The following RPL37A variants were observed in gnomAD, a reference collection of about 807,000 sequenced individuals.
The protein encoded by RPL37A is large ribosomal subunit protein eL43.
In RPL37A, 5 loss-of-function variants were observed where a neutral mutation model predicts 13.6. The observed-to-expected ratio is 0.37, with a 90% CI of 0.19 to 0.78. The LOEUF (loss-of-function observed/expected upper bound fraction) is 0.78, where lower values mean the gene tolerates loss of function less well. Among genes scored for constraint, RPL37A ranks in the 30% least tolerant of loss-of-function variants. The pLI, the probability that RPL37A is intolerant of heterozygous loss-of-function variation, is 0.49. For missense variants in RPL37A, 77 were observed against 120.0 expected (o/e 0.64, Z 1.67); for synonymous variants, 50 against 44.4 (o/e 1.13, Z -0.50).
intron 1 of RPL37A, 109 bp downstream of exon 1, chr2:216,498,986 C>A: frequency 6.7e-7 from 1 of 1,486,104 alleles, no homozygotes; most frequent in Non-Finnish European, 9.4e-7. Flanking sequence ...TCTCTCCTGT[C>A]TCCATGCCTT....
Position 216,499,258 on chromosome 2 carries a change from C to G in RPL37A, c.4-12C>G, listed in dbSNP as rs1180330321. Reference sequence around the variant, plus strand: ...CAGGTCTATCACTGGTTTCTCCCTTCACTCTAAACAGGCCAAACGTACCAA... The same window carrying G: ...CAGGTCTATCACTGGTTTCTCCCTTGACTCTAAACAGGCCAAACGTACCAA... On this transcript the variant is annotated splice_polypyrimidine_tract_variant and intron_variant, in intron 1 of 3. Coordinates refer to ENST00000491306, the MANE Select transcript of RPL37A (RefSeq NM_000998.5). 3.7e-6 allele frequency: 6 copies of G among 1,609,418 alleles called. No homozygotes were observed. The highest frequency in any genetic ancestry group is 5.1e-6 in the Non-Finnish European group (6 of 1,178,460).
Position 216,499,807 on chromosome 2 carries a change from C to T in RPL37A, c.133-142C>T, listed in dbSNP as rs760649829. 3.9e-6 allele frequency: 3 copies of T among 769,930 alleles called. No homozygotes were observed. In the African/African-American group the frequency reaches 5.1e-5, roughly 13 times the overall value. 47.7% of individuals were successfully genotyped at this position (769,930 alleles called of 1,614,324 possible). A position where few individuals can be genotyped will look rare whatever the true frequency, so the allele number is the denominator to read the frequency against. ...CGTTTATGTGCAAAATACTGCATTA[C>T]AGCAATCCCTGTTTTGTTTTTGAGG... On this transcript the variant is annotated intron_variant, in intron 2 of 3. Coordinates refer to ENST00000491306, the MANE Select transcript of RPL37A (RefSeq NM_000998.5).
At chr2:216,500,397 GTA>G (rs373704146) in intron 3 of RPL37A, 36 of 287,690 alleles carry the variant, frequency 1.3e-4, no homozygotes, top group African/African-American at 7.7e-4. Context: ...GTTCAAAACT[GTA>G]TTTGGAACTT....
Position 216,500,301 on chromosome 2 carries a change from C to T in RPL37A, c.215+270C>T, listed in dbSNP as rs374651641. The T allele has an allele frequency of 2.2e-4, 108 of 482,274 alleles. No homozygotes were observed. In the East Asian group the frequency reaches 2.5e-3, roughly 11 times the overall value. The allele number at this position is 482,274 out of a possible 1,614,324, so 29.9% of individuals were successfully genotyped here. ...CATTGTTGTGAACATTGTCATGATA[C>T]TGTGCAGGTCCATTAGTGGGGCTGA... On this transcript the variant is annotated intron_variant, in intron 3 of 3. Coordinates refer to ENST00000491306, the MANE Select transcript of RPL37A (RefSeq NM_000998.5).
At chr2:216,499,095 G>C in intron 1 of RPL37A, 175 bp from the exon 2 acceptor site, 1 of 1,151,048 alleles carries the variant, frequency 8.7e-7, no homozygotes, top group East Asian at 2.5e-5. Flanking sequence ...CGGGCCTTCG[G>C]AGCGCGCGGC....
chr2:216,498,897 C>A lies in RPL37A; in HGVS notation c.3+20C>A. The A allele has an allele frequency of 6.2e-7, 1 of 1,613,744 alleles. No individual in the cohort carries two copies. The highest frequency in any genetic ancestry group is 8.5e-7 in the Non-Finnish European group (1 of 1,179,780). The stretch of plus-strand genomic sequence containing the variant: ...GACATGGTGAGTGTGGGTCTCTGTG[C>A]GGCCTAGAACTCTATCTGCCTGCAT... On this transcript the variant is annotated intron_variant, in intron 1 of 3. Coordinates refer to ENST00000491306, the MANE Select transcript of RPL37A (RefSeq NM_000998.5).
In RPL37A at chr2:216,498,866, C is replaced by T. The variant is rs368819622; in HGVS notation, c.-9C>T. 8.7e-6 allele frequency: 14 copies of T among 1,614,008 alleles called. No individual in the cohort carries two copies. In the African/African-American group the frequency reaches 1.1e-4, roughly 12 times the overall value. On this transcript the variant is annotated 5_prime_UTR_variant, in exon 1 of 4. Coordinates refer to ENST00000491306, the MANE Select transcript of RPL37A (RefSeq NM_000998.5). Reference sequence around the variant, plus strand: ...TTCCTTTCTGGGCTCGGACCTAGGTCGCGGCGACATGGTGAGTGTGGGTCT... The same window carrying T: ...TTCCTTTCTGGGCTCGGACCTAGGTTGCGGCGACATGGTGAGTGTGGGTCT...
Position 216,501,341 on chromosome 2 carries a change from T to C in RPL37A, c.216T>C (p.Asn72=), listed in dbSNP as rs1426120516. The C allele has an allele frequency of 2.5e-6, 4 of 1,612,664 alleles. No homozygotes were observed. Among genetic ancestry groups the C allele is most frequent in the Non-Finnish European group, 3.4e-6 (4 of 1,179,136 alleles). ...TTGGAAACTGAATCTTTCTTTCCAG[T>C]ACCACTTCCGCTGTCACGGTAAAGT... ...KTVAGGAWTY[N]TTSAVTVKSA... Residue 72 remains asparagine (N), a splice_region_variant and synonymous_variant, in exon 4 of 4, where the codon AAT becomes AAC. Transcript: ENST00000491306.
rs757193111 is a variant in RPL37A at position 216,499,241 on chromosome 2, T to C, written c.4-29T>C. On this transcript the variant is annotated intron_variant, in intron 1 of 3. Transcript: ENST00000491306. ...AGGGCCTGCCTGGGTTCCAGGTCTA[T>C]CACTGGTTTCTCCCTTCACTCTAAA... 17 of 1,604,378 alleles carry C rather than the reference T, an allele frequency of 1.1e-5. 1 individual carries two copies. In the South Asian group the frequency reaches 1.8e-4, roughly 17 times the overall value.
chr2:216,499,900 A>G (rs1415499530), intron 2 of RPL37A, 49 bp from the exon 3 acceptor site: 1 of 1,492,174 alleles, frequency 6.7e-7, no homozygotes, highest in Non-Finnish European at 9.4e-7. Context: ...GATGCTTGTA[A>G]GAGAAAATAC....
At position 216,501,425 on chromosome 2, in the gene RPL37A, A is replaced by T. The variant is rs1695599030; in HGVS notation, c.*21A>T. 1 of 1,566,738 alleles carries T rather than the reference A, an allele frequency of 6.4e-7. No individual in the cohort carries two copies. Among genetic ancestry groups the T allele is most frequent in the South Asian group, 1.1e-5 (1 of 89,378 alleles). On this transcript the variant is annotated 3_prime_UTR_variant, in exon 4 of 4. Coordinates refer to ENST00000491306, the MANE Select transcript of RPL37A (RefSeq NM_000998.5). ...AGTAGACGCTCCTCTACTCTTTGAG[A>T]CATCACTGGCCTATAATAAATGGGT...
chr2:216,500,302 T>G (rs2106109961), intron 3 of RPL37A: 1 of 482,340 alleles, frequency 2.1e-6, no homozygotes, highest in East Asian at 3.7e-5. Context: ...GTCATGATAC[T>G]GTGCAGGTCC....
intron 3 of RPL37A, chr2:216,501,086 A>G (rs1479321929): frequency 6.6e-6 from 2 of 304,932 alleles, no homozygotes; most frequent in African/African-American, 2.2e-5. Context: ...TAATTCTGCA[A>G]GATCCTGAAG....
At chr2:216,500,119 C>T (rs1195235359) in intron 3 of RPL37A, 88 bp downstream of exon 3, 1 of 949,366 alleles carries the variant, frequency 1.1e-6, no homozygotes, top group East Asian at 2.4e-5. Context: ...AGTTTTAACA[C>T]TTTCTCAGGA....
At position 216,502,019 on chromosome 2, in the gene RPL37A, C is replaced by G. The variant is rs1427890825; in HGVS notation, c.*615C>G. On this transcript the variant is annotated 3_prime_UTR_variant, in exon 4 of 4. Coordinates refer to ENST00000491306, the MANE Select transcript of RPL37A (RefSeq NM_000998.5). ...GTGTGAGCCACCACGCCCAGCCTTG[C>G]ATTTAATATTTTTATAATGTGTCTA... 1 of 152,004 alleles carries G rather than the reference C, an allele frequency of 6.6e-6. No homozygotes were observed. Among genetic ancestry groups the G allele is most frequent in the Non-Finnish European group, 1.5e-5 (1 of 68,028 alleles). 9.4% of individuals were successfully genotyped at this position (152,004 alleles called of 1,614,324 possible).
chr2:216,499,868 T>TCTTA (rs755382350), intron 2 of RPL37A, 81 bp from the exon 3 acceptor site: 36 of 1,200,572 alleles, frequency 3.0e-5, no homozygotes, highest in Non-Finnish European at 4.3e-5. Context: ...GACAATAAGG[T>TCTTA]GAATCCAAAT....
intron 2 of RPL37A, 103 bp downstream of exon 2, chr2:216,499,501 G>T: frequency 1.5e-6 from 2 of 1,367,352 alleles, no homozygotes; most frequent in South Asian, 2.8e-5. Flanking sequence ...CTGGTGGGCA[G>T]TTGGAATTAC....
chr2:216,499,818 GT>G (rs1215455182), intron 2 of RPL37A, 130 bp from the exon 3 acceptor site: 1 of 821,768 alleles, frequency 1.2e-6, no homozygotes, highest in South Asian at 1.4e-5. Context: ...AGCAATCCCT[GT>G]TTTGTTTTTG....
chr2:216,501,422 G>C lies in RPL37A; in HGVS notation c.*18G>C. On this transcript the variant is annotated 3_prime_UTR_variant, in exon 4 of 4. Coordinates refer to ENST00000491306, the MANE Select transcript of RPL37A (RefSeq NM_000998.5). ...ACCAGTAGACGCTCCTCTACTCTTT[G>C]AGACATCACTGGCCTATAATAAATG... The C allele has an allele frequency of 6.3e-7, 1 of 1,579,826 alleles. No individual in the cohort carries two copies. Among genetic ancestry groups the C allele is most frequent in the South Asian group, 1.1e-5 (1 of 89,764 alleles).
Sources: gnomAD v4.1 joint callset for allele counts on GRCh38, gnomAD v4.1.1 for gene constraint, MANE v1.5 for transcripts, NCBI Gene and HGNC (gene_info 2026-07-23, HGNC 2026-07-21) for gene names.